ZNF391: variants seen among roughly 807,000 people sequenced by gnomAD.
ZNF391 encodes the protein zinc finger protein 391.
For missense variants in ZNF391, 375 were observed against 425.5 expected (o/e 0.88, Z 1.04); for synonymous variants, 126 against 142.1 (o/e 0.89, Z 0.80).
intron 1 of ZNF391, among the ~76,000 whole-genome samples, chr6:27,395,677 A>C (rs1374342760): frequency 6.6e-6 from 1 of 152,164 alleles, no homozygotes; most frequent in Non-Finnish European, 1.5e-5. Flanking sequence ...GTGAACTTCA[A>C]ATTGGCCATA....
At chr6:27,379,451 G>A (rs999714439) in intron 1 of ZNF391, among the ~76,000 whole-genome samples, 2 of 152,172 alleles carry the variant, frequency 1.3e-5, no homozygotes, top group African/African-American at 2.4e-5. Context: ...ACCATATTTA[G>A]GTCATTTCTC....
At chr6:27,389,326 C>T (rs1761650259) in intron 1 of ZNF391, 1 of 454,412 alleles carries the variant, frequency 2.2e-6, no homozygotes, top group Non-Finnish European at 4.4e-6. Flanking sequence ...CAGGGTTGCT[C>T]CCTGCTTCCC....
rs1761993344 is a variant in ZNF391 at position 27,402,398 on chromosome 6, A to G, written c.*951A>G. ...AGAATTGGCACTTTTTGCCACTGTTATGCCTTAAATCTTGAGCTTCTTTCA... is the reference window on the plus strand; with the variant it reads ...AGAATTGGCACTTTTTGCCACTGTTGTGCCTTAAATCTTGAGCTTCTTTCA... On this transcript the variant is annotated 3_prime_UTR_variant, in exon 3 of 3. Transcript: ENST00000244576. 6.6e-6 allele frequency: 1 copy of G among 151,986 alleles called. No homozygotes were observed. The highest frequency in any genetic ancestry group is 1.5e-5 in the Non-Finnish European group (1 of 68,012). The allele number at this position is 151,986 out of a possible 1,614,324, so 9.4% of individuals were successfully genotyped here.
At position 27,402,188 on chromosome 6, in the gene ZNF391, T is replaced by C. The variant is rs1211054193; in HGVS notation, c.*741T>C. Reference sequence around the variant, plus strand: ...TAAAAATCTTGGAGACGTTCCTCCATGATCTTGGGAAAAAAAGTTGCCAAA... The same window carrying C: ...TAAAAATCTTGGAGACGTTCCTCCACGATCTTGGGAAAAAAAGTTGCCAAA... On this transcript the variant is annotated 3_prime_UTR_variant, in exon 3 of 3. Coordinates refer to ENST00000244576, the MANE Select transcript of ZNF391 (RefSeq NM_001076781.3). 1 of 152,212 alleles carries C rather than the reference T, an allele frequency of 6.6e-6. No individual in the cohort carries two copies. The allele number at this position is 152,212 out of a possible 1,614,324, so 9.4% of individuals were successfully genotyped here. A position where few individuals can be genotyped will look rare whatever the true frequency, so the allele number is the denominator to read the frequency against.
chr6:27,381,574 G>A (rs914000779), intron 1 of ZNF391, among the ~76,000 whole-genome samples: 11 of 152,228 alleles, frequency 7.2e-5, no homozygotes, highest in Non-Finnish European at 1.5e-4. Flanking sequence ...AGGAGGCGCC[G>A]AGAGCGAGCG....
At chr6:27,386,488 T>A (rs1761584367), upstream of ZNF391, among the ~76,000 whole-genome samples, 1 of 152,132 alleles carries the variant, frequency 6.6e-6, no homozygotes, top group African/African-American at 2.4e-5. Flanking sequence ...AGACACATAC[T>A]TCATAATTTC....
intron 2 of ZNF391, 75 bp from the exon 3 acceptor site, chr6:27,400,218 C>T: frequency 1.6e-6 from 1 of 616,662 alleles, no homozygotes; most frequent in Admixed American, 3.1e-5. Flanking sequence ...AATTAGTTGT[C>T]TTTTCTCTGC....
chr6:27,401,480 C>T lies in ZNF391; in HGVS notation c.*33C>T. 8.1e-6 allele frequency: 12 copies of T among 1,490,130 alleles called. No individual in the cohort carries two copies. Among genetic ancestry groups the T allele is most frequent in the Non-Finnish European group, 1.1e-5 (12 of 1,100,792 alleles). 92.3% of individuals were successfully genotyped at this position (1,490,130 alleles called of 1,614,324 possible). A position where few individuals can be genotyped will look rare whatever the true frequency, so the allele number is the denominator to read the frequency against. The stretch of plus-strand genomic sequence containing the variant: ...GCTTTTATTAATGTTAGCATAAGAA[C>T]ACATATACCTAACCTCCCACCACTG... On this transcript the variant is annotated 3_prime_UTR_variant, in exon 3 of 3. Transcript: ENST00000244576.
chr6:27,382,808 C>A (rs1761529738), intron 1 of ZNF391, among the ~76,000 whole-genome samples: 1 of 152,114 alleles, frequency 6.6e-6, no homozygotes, highest in Admixed American at 6.5e-5. Context: ...TGCTGTTTAT[C>A]CCAATAGAAA....
chr6:27,388,290 T>G (rs1423443861), upstream of ZNF391, among the ~76,000 whole-genome samples: 1 of 152,158 alleles, frequency 6.6e-6, no homozygotes, highest in Non-Finnish European at 1.5e-5. Context: ...TTATTCATTT[T>G]TTTCTTTTGG....
At position 27,401,439 on chromosome 6, in the gene ZNF391, A is replaced by T; in HGVS notation, c.1069A>T (p.Lys357Ter). 1 of 1,603,136 alleles carries T rather than the reference A, an allele frequency of 6.2e-7. No individual in the cohort carries two copies. ...TLIRHQHLHT[K>*]E ...GATCAGACATCAGCACCTTCATACTAAAGAGTAATATCTGAGCTTTTATTA... is the reference window on the plus strand; with the variant it reads ...GATCAGACATCAGCACCTTCATACTTAAGAGTAATATCTGAGCTTTTATTA... Residue 357 changes from lysine to a stop codon, truncating the protein, a stop_gained, in exon 3 of 3, where the codon AAA (lysine) becomes TAA (stop). Coordinates refer to ENST00000244576, the MANE Select transcript of ZNF391 (RefSeq NM_001076781.3). LOFTEE classifies it high-confidence loss of function.
In ZNF391 at chr6:27,401,295, G is replaced by A. The variant is rs892519530; in HGVS notation, c.925G>A (p.Val309Met). 4 of 1,613,948 alleles carry A rather than the reference G, an allele frequency of 2.5e-6. No individual in the cohort carries two copies. Among genetic ancestry groups the A allele is most frequent in the Admixed American group, 3.3e-5 (2 of 59,990 alleles). ...TGGAGAAAAGCCTCACGAGTGTAGAGTGTGTGGAAAGGGCTTCAGTCGAAG... is the reference window on the plus strand; with the variant it reads ...TGGAGAAAAGCCTCACGAGTGTAGAATGTGTGGAAAGGGCTTCAGTCGAAG... ...HSGEKPHECRVCGKGFSRSSS... is the reference protein window; with the variant it reads ...HSGEKPHECRMCGKGFSRSSS... The change falls in exon 3 of 3, where the codon GTG (valine) becomes ATG (methionine). Residue 309 changes from valine (V) to methionine (M), a missense_variant. Transcript: ENST00000244576.
intron 1 of ZNF391, among the ~76,000 whole-genome samples, chr6:27,377,302 A>G (rs1331239726): frequency 1.3e-5 from 2 of 152,230 alleles, no homozygotes; most frequent in African/African-American, 4.8e-5. Context: ...AACTCCGACC[A>G]CAAGGCCAAT....
At chr6:27,384,710 G>T (rs1197533094), upstream of ZNF391, among the ~76,000 whole-genome samples, 4 of 151,974 alleles carry the variant, frequency 2.6e-5, no homozygotes, top group East Asian at 7.7e-4. Context: ...GGAACAGAAA[G>T]AAAAAATTAG....
rs1412756970 is a variant in ZNF391, at chr6:27,403,439, CCTT to C, written c.*1996_*1998del. 6.6e-6 allele frequency: 1 copy of C among 152,186 alleles called. No homozygotes were observed. Among genetic ancestry groups the C allele is most frequent in the African/African-American group, 2.4e-5 (1 of 41,446 alleles). The allele number at this position is 152,186 out of a possible 1,614,324, so 9.4% of individuals were successfully genotyped here. ...GCTCTGTGACACTTTCAGTCCCCTG[CCTT>C]CTTAGAAATCCTTTGTAGTGATGGT... On this transcript the variant is annotated 3_prime_UTR_variant, in exon 3 of 3. Coordinates refer to ENST00000244576, the MANE Select transcript of ZNF391 (RefSeq NM_001076781.3).
upstream of ZNF391, among the ~76,000 whole-genome samples, chr6:27,384,516 GTAAAA>G (rs1365645965): frequency 6.1e-5 from 9 of 146,636 alleles, no homozygotes; most frequent in African/African-American, 2.3e-4. Context: ...ATAAGTAAAG[GTAAAA>G]TAAAAGCATT....
intron 1 of ZNF391, chr6:27,375,233 G>A (rs1180680681): frequency 1.3e-5 from 2 of 152,460 alleles, no homozygotes; most frequent in South Asian, 2.1e-4. Context: ...TCTGGCTGTG[G>A]GCCGGCTGGC....
chr6:27,395,715 C>G (rs1554126018), intron 1 of ZNF391, among the ~76,000 whole-genome samples: 1 of 152,120 alleles, frequency 6.6e-6, no homozygotes, highest in Non-Finnish European at 1.5e-5. Context: ...AGTTCTTTCT[C>G]TTGTCAGGAT....
intron 1 of ZNF391, among the ~76,000 whole-genome samples, chr6:27,394,705 T>C (rs72843165): frequency 0.088 from 13,404 of 152,230 alleles, 834 homozygotes; most frequent in Non-Finnish European, 0.14. Context: ...CAGCTTAGAC[T>C]CTGTGCTTGG....
Sources: gnomAD v4.1 joint callset for allele counts (sites outside exome capture counted in the v4.1 genomes callset) on GRCh38, gnomAD v4.1.1 for gene constraint, MANE v1.5 for transcripts, NCBI Gene and HGNC (gene_info 2026-07-23, HGNC 2026-07-21) for gene names.